The following MKX variants were observed in gnomAD, a reference collection of about 807,000 sequenced individuals.
MKX encodes the protein mohawk homeobox.
Under a neutral mutation model 36.0 loss-of-function variants are expected in MKX, and 13 were observed. That is an observed-to-expected ratio of 0.36 (90% CI 0.24 to 0.57). MKX has a LOEUF of 0.57. MKX is among the 20% of genes least tolerant of loss of function. MKX has a pLI of 0.79. For synonymous variants in MKX, 176 were observed against 178.3 expected (o/e 0.99, Z 0.10); for missense variants, 458 against 456.4 (o/e 1.00, Z -0.03).
intron 5 of MKX, among the ~76,000 whole-genome samples, chr10:27,728,772 T>C (rs1834551849): frequency 6.6e-6 from 1 of 152,170 alleles, no homozygotes; most frequent in Non-Finnish European, 1.5e-5. Context: ...GCACACAGTG[T>C]GCAGGAAGAG....
intron 5 of MKX, among the ~76,000 whole-genome samples, chr10:27,690,165 G>A (rs899306270): frequency 1.3e-5 from 2 of 152,184 alleles, no homozygotes; most frequent in Admixed American, 1.3e-4. Context: ...GAGGTCAGGA[G>A]TTGAAGATCA....
chr10:27,744,918 C>T lies in MKX; in HGVS notation c.-83+789G>A, dbSNP rs1485433374. The T allele has an allele frequency of 6.6e-6, 1 of 152,250 alleles. No individual in the cohort carries two copies. The highest frequency in any genetic ancestry group is 2.4e-5 in the African/African-American group (1 of 41,436). 9.4% of individuals were successfully genotyped at this position (152,250 alleles called of 1,614,324 possible). A position where few individuals can be genotyped will look rare whatever the true frequency, so the allele number is the denominator to read the frequency against. On this transcript the variant is annotated intron_variant, in intron 1 of 6. Coordinates refer to ENST00000419761, the MANE Select transcript of MKX (RefSeq NM_173576.3). The surrounding 1 kb of genome is among the most constrained non-coding windows in gnomAD (Gnocchi z 5.6). ...CAGACCTCTGCTGGATGTCGTGTGT[C>T]CCCTAGGACTGCGTCCTCCCGCGCA...
At chr10:27,712,416 C>T (rs929193367) in intron 5 of MKX, among the ~76,000 whole-genome samples, 1 of 152,142 alleles carries the variant, frequency 6.6e-6, no homozygotes, top group African/African-American at 2.4e-5. Flanking sequence ...GAGCATGGAA[C>T]AGAGTTTGGG....
intron 3 of MKX, among the ~76,000 whole-genome samples, chr10:27,739,483 A>C (rs921824058): frequency 1.3e-5 from 2 of 152,106 alleles, no homozygotes; most frequent in African/African-American, 4.8e-5. Flanking sequence ...TTGAATGAAA[A>C]TTTCATGTAA....
rs749757379 is a variant in MKX, at chr10:27,711,429, CTCTTTCTTTCTT to C, written c.838+23015_838+23026del. Among the ~76,000 whole-genome samples, 256 of 114,632 alleles carry C rather than the reference CTCTTTCTTTCTT, an allele frequency of 2.2e-3. 1 individual carries two copies. The highest frequency in any genetic ancestry group is 4.5e-3 in the Middle Eastern group (1 of 220). 75.2% of individuals were successfully genotyped at this position (114,632 alleles called of 152,430 possible). A position where few individuals can be genotyped will look rare whatever the true frequency, so the allele number is the denominator to read the frequency against. ...CTTTCCTTCTTTCTTTCTTTCTTTT[CTCTTTCTTTCTT>C]TCTTTCTTTCTTTCTTTCTTTCTTT... On this transcript the variant is annotated intron_variant, in intron 5 of 6. Transcript: ENST00000419761.
intron 5 of MKX, among the ~76,000 whole-genome samples, chr10:27,707,345 C>A (rs971472174): frequency 3.9e-5 from 6 of 152,100 alleles, no homozygotes; most frequent in African/African-American, 1.4e-4. Flanking sequence ...ATTATTATTG[C>A]ATTCATTTTT....
At chr10:27,677,769 T>C (rs186885124) in intron 5 of MKX, among the ~76,000 whole-genome samples, 2 of 152,332 alleles carry the variant, frequency 1.3e-5, no homozygotes, top group South Asian at 2.1e-4. Context: ...TGGCCCAGAA[T>C]GGAACAACAA....
chr10:27,739,216 G>C (rs73604052), intron 3 of MKX, among the ~76,000 whole-genome samples: 413 of 152,148 alleles, frequency 2.7e-3, no homozygotes, highest in African/African-American at 9.7e-3. Context: ...TATTTTGAGA[G>C]TACAGAGTGT....
At chr10:27,743,617 G>A (rs1436397474) in intron 1 of MKX, 120 bp from the exon 2 acceptor site, 10 of 556,346 alleles carry the variant, frequency 1.8e-5, no homozygotes, top group East Asian at 3.5e-5. Flanking sequence ...GAGCGGCGCC[G>A]CCGCAACTGG....
rs1589700170 is a variant in MKX at position 27,741,316 on chromosome 10, G to C, written c.348+29C>G. ...GCTCTTCAGCCCCTCGCGGGAAAACGGATCAGGGTGTTAATGGGTCCTGAT... is the reference window on the plus strand; with the variant it reads ...GCTCTTCAGCCCCTCGCGGGAAAACCGATCAGGGTGTTAATGGGTCCTGAT... On this transcript the variant is annotated intron_variant, in intron 3 of 6. Coordinates refer to ENST00000419761, the MANE Select transcript of MKX (RefSeq NM_173576.3). The surrounding 1 kb of genome is among the most constrained non-coding windows in gnomAD (Gnocchi z 5.1). 1 of 1,607,490 alleles carries C rather than the reference G, an allele frequency of 6.2e-7. No individual in the cohort carries two copies. Among genetic ancestry groups the C allele is most frequent in the Non-Finnish European group, 8.5e-7 (1 of 1,177,786 alleles).
At chr10:27,711,504 TTCCTTCCTTCCTTC>T (rs1564357126) in intron 5 of MKX, among the ~76,000 whole-genome samples, 67 of 22,126 alleles carry the variant, frequency 3.0e-3, no homozygotes, top group Middle Eastern at 0.022. Flanking sequence ...TCTTCTTTCC[TTCCTTCCTTCCTTC>T]CTTCCTTCCT....
chr10:27,685,829 T>C (rs1055652749), intron 5 of MKX, among the ~76,000 whole-genome samples: 1 of 152,190 alleles, frequency 6.6e-6, no homozygotes, highest in Non-Finnish European at 1.5e-5. Flanking sequence ...TGCTAAACAG[T>C]TCCTAGGCAG....
intron 5 of MKX, among the ~76,000 whole-genome samples, chr10:27,731,190 A>G (rs1834621100): frequency 6.6e-6 from 1 of 152,078 alleles, no homozygotes; most frequent in Non-Finnish European, 1.5e-5. Context: ...TTGTAACAAA[A>G]ACAAATAAAT....
In MKX at chr10:27,674,216, A is replaced by G. The variant is rs1180318094; in HGVS notation, c.*1013T>C. 6.6e-6 allele frequency: 1 copy of G among 152,230 alleles called. No individual in the cohort carries two copies. Among genetic ancestry groups the G allele is most frequent in the African/African-American group, 2.4e-5 (1 of 41,456 alleles). 9.4% of individuals were successfully genotyped at this position (152,230 alleles called of 1,614,324 possible). ...CCATATGTTTTAAATTTAAAAATCA[A>G]TTTTATGTATGTATATGTATAGCCG... On this transcript the variant is annotated 3_prime_UTR_variant, in exon 7 of 7. Transcript: ENST00000419761.
Position 27,735,234 on chromosome 10 carries a change from G to C in MKX, c.489C>G (p.Asp163Glu). ...NAERLSVSSD[D>E]SCSEDGENPP... ...ATATTAACAAACCTTCAGAACATGA[G>C]TCATCACTGCTTACGCTAAGCCGTT... Residue 163 changes from aspartate to glutamate, a missense_variant, in exon 4 of 7, where the codon GAC becomes GAG. Asp to Glu is a conservative substitution (Grantham distance 45, BLOSUM62 2). Coordinates refer to ENST00000419761, the MANE Select transcript of MKX (RefSeq NM_173576.3). The C allele has an allele frequency of 6.3e-7, 1 of 1,592,142 alleles. No homozygotes were observed. The highest frequency in any genetic ancestry group is 8.5e-7 in the Non-Finnish European group (1 of 1,170,762).
Position 27,742,510 on chromosome 10 carries a change from G to A in MKX, c.188+718C>T, listed in dbSNP as rs911714031. Among the ~76,000 whole-genome samples the A allele has an allele frequency of 2.6e-5, 4 of 152,066 alleles. No individual in the cohort carries two copies. Among genetic ancestry groups the A allele is most frequent in the East Asian group, 1.9e-4 (1 of 5,152 alleles). On this transcript the variant is annotated intron_variant, in intron 2 of 6. Coordinates refer to ENST00000419761, the MANE Select transcript of MKX (RefSeq NM_173576.3). The surrounding 1 kb of genome is among the most constrained non-coding windows in gnomAD (Gnocchi z 4.2). ...TCGTTCAGGTGGAGGCGGCTAGGAC[G>A]GCCGCCCCTCCCCGGCGGGGCGCCC...
chr10:27,712,352 T>C (rs1836888619), intron 5 of MKX, among the ~76,000 whole-genome samples: 1 of 152,130 alleles, frequency 6.6e-6, no homozygotes, highest in Admixed American at 6.5e-5. Flanking sequence ...ATAAGGAAGG[T>C]GAAGGGGACC....
chr10:27,738,555 G>A (rs1207728327), intron 3 of MKX, among the ~76,000 whole-genome samples: 1 of 151,820 alleles, frequency 6.6e-6, no homozygotes, highest in East Asian at 1.9e-4. Context: ...GGGCCTCTAA[G>A]CTTTCACTAT....
At position 27,729,147 on chromosome 10, in the gene MKX, C is replaced by T. The variant is rs557181528; in HGVS notation, c.838+5309G>A. The stretch of plus-strand genomic sequence containing the variant: ...ATCTGCCTAGATGCTTTGCTTTATA[C>T]CAGATGTGTCTAATTAAGAGGGATT... On this transcript the variant is annotated intron_variant, in intron 5 of 6. Transcript: ENST00000419761. 9.2e-5 allele frequency among the ~76,000 whole-genome samples: 14 copies of T among 152,290 alleles called. No homozygotes were observed. The South Asian group carries it at 2.7e-3, about 29-fold the overall frequency.
Sources: allele counts gnomAD v4.1 joint callset (sites outside exome capture counted in the v4.1 genomes callset), GRCh38; gene constraint gnomAD v4.1.1; non-coding constraint Gnocchi (gnomAD v3.1); transcripts MANE v1.5; gene names NCBI Gene and HGNC (gene_info 2026-07-23, HGNC 2026-07-21).